The following GRIA4 variants were observed in gnomAD, a reference collection of about 807,000 sequenced individuals.
GRIA4 encodes glutamate receptor 4.
In GRIA4, 34 loss-of-function variants were observed where a neutral mutation model predicts 104.0. The ratio of observed to expected loss-of-function variants is 0.33; its 90% CI spans 0.25 to 0.44. GRIA4 has a LOEUF of 0.44. GRIA4 is among the 20% of genes least tolerant of loss of function. The probability of loss-of-function intolerance (pLI) is 1.00; values close to 1 mark genes in which losing one functional copy is unlikely to be tolerated. For synonymous variants in GRIA4, 386 were observed against 381.9 expected, an observed-to-expected ratio of 1.01 and a Z score of -0.13; for missense variants, 750 against 1,096.5, an observed-to-expected ratio of 0.68 and a Z score of 4.46.
At chr11:105,633,065 G>C (rs1387520587) in intron 3 of GRIA4, among the ~76,000 whole-genome samples, 1 of 152,198 alleles carries the variant, frequency 6.6e-6, no homozygotes, top group Non-Finnish European at 1.5e-5. Flanking sequence ...GGAGCTGACT[G>C]AGTTAGCTGT....
chr11:105,809,624 G>A (rs981536948), intron 4 of GRIA4, among the ~76,000 whole-genome samples: 2 of 152,004 alleles, frequency 1.3e-5, no homozygotes, highest in Non-Finnish European at 2.9e-5. Flanking sequence ...GTTTTATAAG[G>A]GCTCTTCCCC....
intron 15 of GRIA4, among the ~76,000 whole-genome samples, chr11:105,973,701 T>A (rs1279280908): frequency 6.6e-6 from 1 of 152,082 alleles, no homozygotes; most frequent in African/African-American, 2.4e-5. Flanking sequence ...AAAAGTAACA[T>A]TTTCCATGAG....
intron 3 of GRIA4, among the ~76,000 whole-genome samples, chr11:105,717,811 A>C (rs1357399921): frequency 6.6e-6 from 1 of 150,898 alleles, no homozygotes; most frequent in Non-Finnish European, 1.5e-5. Flanking sequence ...CGCTGCACCC[A>C]CTAACTCGTC....
At chr11:105,921,659 TC>T (rs1947568161) in intron 11 of GRIA4, among the ~76,000 whole-genome samples, 1 of 152,154 alleles carries the variant, frequency 6.6e-6, no homozygotes, top group South Asian at 2.1e-4. Context: ...GTATTTCTCT[TC>T]ATGTGTCTTT....
intron 4 of GRIA4, among the ~76,000 whole-genome samples, chr11:105,765,449 G>A (rs1187048335): frequency 6.6e-6 from 1 of 152,178 alleles, no homozygotes; most frequent in African/African-American, 2.4e-5. Flanking sequence ...AAGCCCAGAT[G>A]CCAGCATATT....
chr11:105,975,150 A>G (rs547273130), intron 16 of GRIA4, among the ~76,000 whole-genome samples: 5 of 152,310 alleles, frequency 3.3e-5, no homozygotes, highest in African/African-American at 1.2e-4. Flanking sequence ...CTTGAGCCAG[A>G]CCTTTAAGGA....
chr11:105,725,286 AG>A (rs1265969184), intron 3 of GRIA4, among the ~76,000 whole-genome samples: 1 of 152,160 alleles, frequency 6.6e-6, no homozygotes, highest in Non-Finnish European at 1.5e-5. Flanking sequence ...AAAAGTTCTA[AG>A]TATTCTCAGA....
chr11:105,951,489 G>A (rs1469175739), intron 14 of GRIA4, among the ~76,000 whole-genome samples: 3 of 152,156 alleles, frequency 2.0e-5, no homozygotes, highest in African/African-American at 7.2e-5. Context: ...TATAATTTGA[G>A]CACAGTGATA....
chr11:105,735,707 A>G (rs532578376), intron 3 of GRIA4, among the ~76,000 whole-genome samples: 91 of 152,266 alleles, frequency 6.0e-4, no homozygotes, highest in Admixed American at 1.6e-3. Flanking sequence ...TTAGAGGTTT[A>G]CTGTCTTCCT....
chr11:105,723,557 A>G (rs1454037798), intron 3 of GRIA4, among the ~76,000 whole-genome samples: 2 of 152,094 alleles, frequency 1.3e-5, no homozygotes, highest in African/African-American at 4.8e-5. Flanking sequence ...GACAAACATA[A>G]TATAGGATTC....
intron 14 of GRIA4, among the ~76,000 whole-genome samples, chr11:105,950,878 A>T (rs1191739912): frequency 2.0e-5 from 3 of 152,146 alleles, no homozygotes; most frequent in Admixed American, 6.5e-5. Context: ...TATATAGTTT[A>T]GCTATACAGG....
intron 4 of GRIA4, among the ~76,000 whole-genome samples, chr11:105,834,597 T>C (rs1373978983): frequency 6.6e-6 from 1 of 151,990 alleles, no homozygotes; most frequent in African/African-American, 2.4e-5. Flanking sequence ...GAAAAGGTCT[T>C]AAGTGAATCA....
At chr11:105,641,099 G>A (rs1052196720) in intron 3 of GRIA4, among the ~76,000 whole-genome samples, 13 of 151,864 alleles carry the variant, frequency 8.6e-5, no homozygotes, top group African/African-American at 3.1e-4. Flanking sequence ...TCCAATATTT[G>A]TCATAATTTT....
chr11:105,936,716 G>C (rs770566026), intron 14 of GRIA4, among the ~76,000 whole-genome samples: 1 of 152,118 alleles, frequency 6.6e-6, no homozygotes, highest in African/African-American at 2.4e-5. Context: ...TTGAAAATTA[G>C]GACTTGGGTA....
chr11:105,866,008 T>C (rs1282651004), intron 5 of GRIA4, among the ~76,000 whole-genome samples: 1 of 152,206 alleles, frequency 6.6e-6, no homozygotes, highest in Non-Finnish European at 1.5e-5. Context: ...CAATGGGTAG[T>C]TGGATGGTCT....
chr11:105,925,404 T>C (rs1947678320), intron 12 of GRIA4, among the ~76,000 whole-genome samples: 1 of 152,144 alleles, frequency 6.6e-6, no homozygotes, highest in Non-Finnish European at 1.5e-5. Flanking sequence ...AACCATTATA[T>C]TCACCAAAAA....
intron 10 of GRIA4, chr11:105,913,118 A>C: frequency 1.5e-6 from 1 of 672,574 alleles, no homozygotes; most frequent in Non-Finnish European, 1.8e-6. Context: ...TCAGTTATTC[A>C]TAAATATTTA....
intron 11 of GRIA4, among the ~76,000 whole-genome samples, chr11:105,924,069 G>A (rs1446735481): frequency 6.6e-6 from 1 of 152,088 alleles, no homozygotes; most frequent in Non-Finnish European, 1.5e-5. Context: ...TGGAAAGACT[G>A]TCAAGTCTCC....
At chr11:105,812,141 A>G (rs1408648898) in intron 4 of GRIA4, among the ~76,000 whole-genome samples, 1 of 152,204 alleles carries the variant, frequency 6.6e-6, no homozygotes, top group African/African-American at 2.4e-5. Flanking sequence ...TAGTTAGAAC[A>G]TATTCATTTT....
Sources: gnomAD v4.1 joint callset for allele counts (sites outside exome capture counted in the v4.1 genomes callset) on GRCh38, gnomAD v4.1.1 for gene constraint, MANE v1.5 for transcripts, NCBI Gene and HGNC (gene_info 2026-07-23, HGNC 2026-07-21) for gene names.